Variants in CCDC178 observed in about 807,000 individuals in gnomAD.
CCDC178 encodes coiled-coil domain-containing protein 178.
In CCDC178, 126 loss-of-function variants were observed where a neutral mutation model predicts 117.4. That is an observed-to-expected ratio of 1.07 (90% CI 0.93 to 1.24). The LOEUF (loss-of-function observed/expected upper bound fraction) is 1.24. CCDC178 is among the 50% of genes most tolerant of loss of function. The pLI is 0.00. For missense variants in CCDC178, 1,030 were observed against 986.9 expected (o/e 1.04, Z -0.59); for synonymous variants, 283 against 313.4 (o/e 0.90, Z 1.02).
intron 3 of CCDC178, among the ~76,000 whole-genome samples, chr18:33,402,905 T>C (rs917153576): frequency 2.6e-5 from 4 of 152,224 alleles, no homozygotes; most frequent in Non-Finnish European, 5.9e-5. Flanking sequence ...CACGCTTTAT[T>C]AGACTTACTC....
At chr18:33,310,631 A>G (rs1366113145) in intron 11 of CCDC178, among the ~76,000 whole-genome samples, 1 of 152,154 alleles carries the variant, frequency 6.6e-6, no homozygotes, top group Non-Finnish European at 1.5e-5. Flanking sequence ...GGTTGCAGTG[A>G]GCTGAGATTG....
chr18:32,965,845 T>C (rs1185466334), intron 22 of CCDC178, among the ~76,000 whole-genome samples: 2 of 150,712 alleles, frequency 1.3e-5, no homozygotes, highest in Non-Finnish European at 3.0e-5. Context: ...ATATTTGGCA[T>C]TTTTTCATAT....
At chr18:33,163,968 G>A (rs905528948) in intron 20 of CCDC178, among the ~76,000 whole-genome samples, 6 of 152,026 alleles carry the variant, frequency 3.9e-5, no homozygotes, top group Admixed American at 2.0e-4. Context: ...TTCAATCCAT[G>A]GCTGATATTT....
chr18:33,112,977 C>G (rs973032168), intron 20 of CCDC178, among the ~76,000 whole-genome samples: 5 of 151,900 alleles, frequency 3.3e-5, no homozygotes, highest in African/African-American at 1.2e-4. Context: ...CTCATAAAAA[C>G]CAAAGATATT....
At chr18:33,041,709 A>G (rs2056552729) in intron 21 of CCDC178, among the ~76,000 whole-genome samples, 1 of 151,740 alleles carries the variant, frequency 6.6e-6, no homozygotes, top group South Asian at 2.1e-4. Flanking sequence ...TTTTACTTAA[A>G]AATTTTAGAC....
rs375181772 is a variant in CCDC178 at position 33,092,878 on chromosome 18, C to T, written c.2271G>A (p.Leu757=). 2.5e-5 allele frequency: 40 copies of T among 1,569,260 alleles called. No homozygotes were observed. The highest frequency in any genetic ancestry group is 3.4e-5 in the Non-Finnish European group (40 of 1,160,540). The part of the protein sequence containing the change: ...KIIADSLEEN[L]RLAQEYQQLQ... ...GCTGTTGATACTCTTGAGCTAAACG[C>T]AGATTTTCTTCAAGTGAATCAGCTA... Residue 757 remains leucine (L), a synonymous_variant, in exon 21 of 23, where the codon CTG becomes CTA. Transcript: ENST00000383096.
chr18:33,305,979 G>A (rs947011175), intron 11 of CCDC178, among the ~76,000 whole-genome samples: 28 of 152,064 alleles, frequency 1.8e-4, no homozygotes, highest in African/African-American at 6.8e-4. Context: ...GGCCAGTATT[G>A]GTTTTCTGCA....
intron 21 of CCDC178, among the ~76,000 whole-genome samples, chr18:32,995,854 ACT>A (rs1444807233): frequency 2.0e-5 from 3 of 151,468 alleles, no homozygotes; most frequent in African/African-American, 4.8e-5. Context: ...ATTAGAGAAA[ACT>A]CTGTAATCTG....
chr18:33,393,941 A>C (rs1406394137), intron 4 of CCDC178, among the ~76,000 whole-genome samples: 2 of 152,052 alleles, frequency 1.3e-5, no homozygotes, highest in Non-Finnish European at 2.9e-5. Context: ...GGACAGAGAG[A>C]TTCCTTACCA....
intron 5 of CCDC178, among the ~76,000 whole-genome samples, chr18:33,382,510 C>G (rs1452329883): frequency 6.6e-6 from 1 of 152,110 alleles, no homozygotes; most frequent in Non-Finnish European, 1.5e-5. Flanking sequence ...TCGTGACTGA[C>G]TAGGCAGTGG....
chr18:33,030,567 A>AGATAGATG (rs2056320707), intron 21 of CCDC178, among the ~76,000 whole-genome samples: 1 of 151,686 alleles, frequency 6.6e-6, no homozygotes, highest in Non-Finnish European at 1.5e-5. Flanking sequence ...ATAGATAGAT[A>AGATAGATG]GAGGTAGATA....
intron 14 of CCDC178, among the ~76,000 whole-genome samples, chr18:33,255,957 T>A: frequency 7.4e-6 from 1 of 135,406 alleles, no homozygotes; most frequent in African/African-American, 2.7e-5. Flanking sequence ...AATGCTTGGG[T>A]AACATGTAGA....
chr18:33,218,686 C>T (rs1416386541), intron 18 of CCDC178, among the ~76,000 whole-genome samples: 1 of 152,114 alleles, frequency 6.6e-6, no homozygotes, highest in Non-Finnish European at 1.5e-5. Context: ...CCAGTTTTCC[C>T]AGTACCATTT....
chr18:33,358,789 A>G (rs1291977573), intron 6 of CCDC178, among the ~76,000 whole-genome samples: 1 of 151,852 alleles, frequency 6.6e-6, no homozygotes, highest in Non-Finnish European at 1.5e-5. Flanking sequence ...ATTAAAATTA[A>G]TAAAGTAAAA....
chr18:33,279,880 G>A (rs990056526), intron 12 of CCDC178, among the ~76,000 whole-genome samples: 1 of 152,106 alleles, frequency 6.6e-6, no homozygotes, highest in African/African-American at 2.4e-5. Context: ...AAATGGTACT[G>A]GGAAAACTGG....
intron 20 of CCDC178, among the ~76,000 whole-genome samples, chr18:33,180,653 T>C (rs1033034182): frequency 6.6e-6 from 1 of 152,048 alleles, no homozygotes; most frequent in Non-Finnish European, 1.5e-5. Flanking sequence ...TTTCCTTATA[T>C]ATCAATTATA....
At chr18:33,192,622 C>G (rs1038754472) in intron 20 of CCDC178, among the ~76,000 whole-genome samples, 1 of 152,140 alleles carries the variant, frequency 6.6e-6, no homozygotes, top group Non-Finnish European at 1.5e-5. Context: ...CTCTATGGGC[C>G]CTGCGCGGTG....
Position 33,211,951 on chromosome 18 carries a change from T to A in CCDC178, c.2183A>T (p.Asp728Val), listed in dbSNP as rs1164149400. The part of the protein sequence containing the change: ...KDCEERIFEE[D>V]QRFRVLLAVR... ...AGCAAGGAGCACTCTAAATCTCTGA[T>A]CTTCCTCAAAGATTCTCTCTTCACA... Residue 728 changes from aspartate to valine, a missense_variant, in exon 20 of 23, where the codon GAT becomes GTT. Coordinates refer to ENST00000383096, the MANE Select transcript of CCDC178 (RefSeq NM_001105528.4). 3.7e-6 allele frequency: 6 copies of A among 1,609,950 alleles called. No homozygotes were observed. The highest frequency in any genetic ancestry group is 5.1e-6 in the Non-Finnish European group (6 of 1,177,876).
chr18:33,300,871 G>T (rs1293610381), intron 11 of CCDC178, among the ~76,000 whole-genome samples: 1 of 152,192 alleles, frequency 6.6e-6, no homozygotes, highest in Non-Finnish European at 1.5e-5. Context: ...TTTGCAGCCT[G>T]GCCATGTGGC....
Sources: gnomAD v4.1 joint callset for allele counts (sites outside exome capture counted in the v4.1 genomes callset) on GRCh38, gnomAD v4.1.1 for gene constraint, MANE v1.5 for transcripts, NCBI Gene and HGNC (gene_info 2026-07-23, HGNC 2026-07-21) for gene names.